TLN2: variants seen among roughly 807,000 people sequenced by gnomAD.
TLN2 encodes the protein talin 2.
TLN2 carries 118 observed loss-of-function variants against 294.7 expected under a neutral mutation model. The observed-to-expected ratio is 0.40, with a 90% CI of 0.34 to 0.47. The LOEUF (loss-of-function observed/expected upper bound fraction) is 0.47, where lower values mean the gene tolerates loss of function less well. Among genes scored for constraint, TLN2 ranks in the 20% least tolerant of loss-of-function variants. The pLI, the probability that TLN2 is intolerant of heterozygous loss-of-function variation, is 0.84. For synonymous variants in TLN2, 1,431 were observed against 1,304.5 expected (o/e 1.10, Z -2.09); for missense variants, 3,083 against 3,282.2 (o/e 0.94, Z 1.48).
rs532840955 is a variant in TLN2 at position 62,777,692 on chromosome 15, T to C, written c.5514+782T>C. ...TTAATTGCTCCTTGTGGTTCTGATA[T>C]CTAGCCAGGCACAGAAACCACTGAA... On this transcript the variant is annotated intron_variant, in intron 43 of 58. Transcript: ENST00000636159. Among the ~76,000 whole-genome samples the C allele has an allele frequency of 7.2e-4, 110 of 152,338 alleles. 3 individuals carry two copies. In the Middle Eastern group the frequency reaches 0.017, roughly 24 times the overall value.
At chr15:62,670,776 A>T (rs920246280) in intron 9 of TLN2, among the ~76,000 whole-genome samples, 1 of 152,162 alleles carries the variant, frequency 6.6e-6, no homozygotes, top group Non-Finnish European at 1.5e-5. Flanking sequence ...GTTTGTGTAC[A>T]AGTTTTTGTG....
At chr15:62,669,224 C>T (rs372323639) in intron 9 of TLN2, among the ~76,000 whole-genome samples, 2 of 152,140 alleles carry the variant, frequency 1.3e-5, no homozygotes, top group East Asian at 1.9e-4. Flanking sequence ...TGCAGTAGCT[C>T]AATTTTTATA....
intron 1 of TLN2, among the ~76,000 whole-genome samples, chr15:62,539,645 G>A (rs562660894): frequency 8.5e-5 from 13 of 152,248 alleles, no homozygotes; most frequent in South Asian, 6.2e-4. Context: ...TAGTTCCAGT[G>A]CCTGGTGGGG....
chr15:62,440,797 T>C (rs1459781865), intron 1 of TLN2, among the ~76,000 whole-genome samples: 3 of 152,196 alleles, frequency 2.0e-5, no homozygotes, highest in Admixed American at 6.5e-5. Context: ...TTCAAAAGTT[T>C]AGCTCCTTGA....
chr15:62,431,427 T>C (rs182112057), intron 1 of TLN2, among the ~76,000 whole-genome samples: 239 of 152,330 alleles, frequency 1.6e-3, no homozygotes, highest in African/African-American at 5.6e-3. Flanking sequence ...ACTGATGACA[T>C]GTTAAACACA....
intron 24 of TLN2, 98 bp downstream of exon 24, chr15:62,717,787 C>A: frequency 1.1e-6 from 1 of 880,510 alleles, no homozygotes; most frequent in South Asian, 2.6e-5. Context: ...ACAGATTATC[C>A]AAGCTCCTAA....
chr15:62,538,111 A>T (rs901459446), intron 1 of TLN2, among the ~76,000 whole-genome samples: 3 of 151,986 alleles, frequency 2.0e-5, no homozygotes, highest in African/African-American at 7.2e-5. Flanking sequence ...AACTCCAGCT[A>T]CTCAGAGGCT....
At chr15:62,643,160 C>T (rs1215772018) in intron 3 of TLN2, among the ~76,000 whole-genome samples, 1 of 152,084 alleles carries the variant, frequency 6.6e-6, no homozygotes, top group African/African-American at 2.4e-5. Context: ...ACTGGGTTTC[C>T]CTATGTCAGT....
At chr15:62,498,620 C>T (rs1206115091) in intron 1 of TLN2, among the ~76,000 whole-genome samples, 1 of 151,990 alleles carries the variant, frequency 6.6e-6, no homozygotes, top group Non-Finnish European at 1.5e-5. Context: ...CTGGGGTCAC[C>T]GTAAGTCTGA....
rs66528062 is a variant in TLN2, at chr15:62,648,404, C to CAA, written c.136+982_136+983dup. 9.0e-3 allele frequency among the ~76,000 whole-genome samples: 557 copies of CAA among 61,764 alleles called. 3 individuals are homozygous for CAA. The highest frequency in any genetic ancestry group is 0.011 in the Admixed American group (49 of 4,262). The allele number at this position is 61,764 out of a possible 152,430, so 40.5% of individuals were successfully genotyped here. A position where few individuals can be genotyped will look rare whatever the true frequency, so the allele number is the denominator to read the frequency against. The stretch of plus-strand genomic sequence containing the variant: ...TGGGCGATGAAGCGAGACCCTGACT[C>CAA]AAAAAAAAAAAAAAAAAAAAAAAAA... On this transcript the variant is annotated intron_variant, in intron 4 of 58. Coordinates refer to ENST00000636159, the MANE Select transcript of TLN2 (RefSeq NM_015059.3).
At chr15:62,506,118 A>T (rs1053676504) in intron 1 of TLN2, among the ~76,000 whole-genome samples, 3 of 152,168 alleles carry the variant, frequency 2.0e-5, no homozygotes, top group African/African-American at 7.2e-5. Flanking sequence ...GTTTCCTGTT[A>T]ATTTTTCTCT....
At chr15:62,519,491 A>G (rs1383098729) in intron 1 of TLN2, among the ~76,000 whole-genome samples, 2 of 152,218 alleles carry the variant, frequency 1.3e-5, no homozygotes, top group African/African-American at 2.4e-5. Flanking sequence ...TGATGATGAT[A>G]GCATATTAAA....
At chr15:62,776,080 A>G (rs1316654393) in intron 42 of TLN2, among the ~76,000 whole-genome samples, 2 of 152,212 alleles carry the variant, frequency 1.3e-5, no homozygotes, top group African/African-American at 4.8e-5. Context: ...TACTTGAGGT[A>G]TCTTTCAGGG....
intron 1 of TLN2, among the ~76,000 whole-genome samples, chr15:62,514,663 T>A (rs2040096945): frequency 6.6e-6 from 1 of 152,194 alleles, no homozygotes; most frequent in Non-Finnish European, 1.5e-5. Flanking sequence ...ACATGGAAAT[T>A]AATTTTGTGT....
intron 1 of TLN2, among the ~76,000 whole-genome samples, chr15:62,486,318 A>G (rs990050951): frequency 2.6e-5 from 4 of 151,976 alleles, no homozygotes; most frequent in African/African-American, 9.7e-5. Context: ...TTCATATCCA[A>G]ATTTTGCCAC....
chr15:62,786,198 G>A (rs1176759408), intron 45 of TLN2, among the ~76,000 whole-genome samples: 3 of 152,274 alleles, frequency 2.0e-5, no homozygotes, highest in South Asian at 2.1e-4. Context: ...TTCCAAGATC[G>A]TGGAATTATT....
At chr15:62,494,033 T>C (rs1170123883) in intron 1 of TLN2, among the ~76,000 whole-genome samples, 1 of 152,012 alleles carries the variant, frequency 6.6e-6, no homozygotes, top group Non-Finnish European at 1.5e-5. Context: ...TGGGTGATCC[T>C]AGGATTCTTT....
intron 15 of TLN2, 71 bp from the exon 16 acceptor site, chr15:62,698,673 CTGTTTTGCTT>C: frequency 8.7e-7 from 1 of 1,155,118 alleles, no homozygotes. Context: ...GTGCAGAGTT[CTGTTTTGCTT>C]TGTTTTGCAT....
At position 62,722,607 on chromosome 15, in the gene TLN2, C is replaced by G. The variant is rs143509462; in HGVS notation, c.3126+120C>G. The G allele has an allele frequency of 1.3e-3, 1,659 of 1,281,288 alleles. 14 individuals carry two copies. In the African/African-American group the frequency reaches 0.02, roughly 15 times the overall value. 79.4% of individuals were successfully genotyped at this position (1,281,288 alleles called of 1,614,324 possible). ...TTGGCAAAGTTGTCCATTCTACTTG[C>G]ATGACTATTAAAGATGCCCCTGTGG... On this transcript the variant is annotated intron_variant, in intron 26 of 58. Transcript: ENST00000636159.
Sources: gnomAD v4.1 joint callset for allele counts (sites outside exome capture counted in the v4.1 genomes callset) on GRCh38, gnomAD v4.1.1 for gene constraint, MANE v1.5 for transcripts, NCBI Gene and HGNC (gene_info 2026-07-23, HGNC 2026-07-21) for gene names.